ZBTB16: variants seen among roughly 807,000 people sequenced by gnomAD.
ZBTB16 encodes the protein zinc finger and BTB domain-containing protein 16.
A neutral mutation model predicts 56.8 loss-of-function variants in ZBTB16; 8 were observed. The observed-to-expected ratio is 0.14, with a 90% CI of 0.08 to 0.25. The LOEUF (loss-of-function observed/expected upper bound fraction) is 0.25. ZBTB16 is among the 10% of genes least tolerant of loss of function. ZBTB16 has a pLI of 1.00. For missense variants in ZBTB16, 625 were observed against 903.0 expected (o/e 0.69, Z 3.95); for synonymous variants, 363 against 368.5 (o/e 0.98, Z 0.17).
At chr11:114,112,039 A>C (rs1228745433) in intron 2 of ZBTB16, among the ~76,000 whole-genome samples, 1 of 152,136 alleles carries the variant, frequency 6.6e-6, no homozygotes, top group African/African-American at 2.4e-5. Flanking sequence ...AATATAATAG[A>C]TATGTAAAAG....
At chr11:114,138,925 A>G (rs1260802951) in intron 2 of ZBTB16, among the ~76,000 whole-genome samples, 3 of 151,988 alleles carry the variant, frequency 2.0e-5, no homozygotes, top group Non-Finnish European at 4.4e-5. Context: ...TCCTGACCTC[A>G]AGTGATCCAC....
Position 114,203,948 on chromosome 11 carries a change from G to A in ZBTB16, c.1453+16910G>A, listed in dbSNP as rs1267090157. Among the ~76,000 whole-genome samples the A allele has an allele frequency of 4.6e-5, 7 of 152,222 alleles. No homozygotes were observed. In the South Asian group the frequency reaches 1.2e-3, roughly 27 times the overall value. ...GACATCTGCAAAGTCAGGAGGAGAC[G>A]GGGTAGTTGCGTCTGTGTAGATTTC... On this transcript the variant is annotated intron_variant, in intron 4 of 6. Coordinates refer to ENST00000335953, the MANE Select transcript of ZBTB16 (RefSeq NM_006006.6).
chr11:114,161,239 AG>A (rs2134975218), intron 3 of ZBTB16, among the ~76,000 whole-genome samples: 1 of 152,160 alleles, frequency 6.6e-6, no homozygotes, highest in African/African-American at 2.4e-5. Context: ...GTGGCTTATA[AG>A]TGAGCATGCC....
At chr11:114,146,326 G>A (rs75684202) in intron 2 of ZBTB16, among the ~76,000 whole-genome samples, 160 of 152,172 alleles carry the variant, frequency 1.1e-3, no homozygotes, top group African/African-American at 3.7e-3. Context: ...GCCCCTTTCA[G>A]GGAAAGACTC....
chr11:114,148,871 T>A (rs1381459186), intron 2 of ZBTB16, among the ~76,000 whole-genome samples: 2 of 149,500 alleles, frequency 1.3e-5, no homozygotes, highest in Non-Finnish European at 3.0e-5. Context: ...CTGGTGTGTG[T>A]GTGTGTGTGT....
intron 4 of ZBTB16, among the ~76,000 whole-genome samples, chr11:114,228,531 G>A (rs1355917948): frequency 6.6e-6 from 1 of 152,178 alleles, no homozygotes; most frequent in Non-Finnish European, 1.5e-5. Context: ...GACAGCTTAG[G>A]GGTTCCGTGG....
chr11:114,092,421 C>G (rs185812044), intron 2 of ZBTB16, among the ~76,000 whole-genome samples: 2 of 152,160 alleles, frequency 1.3e-5, no homozygotes, highest in East Asian at 3.9e-4. Context: ...TGCCTCGATC[C>G]TCTTGTTGTG....
chr11:114,094,213 G>C (rs915971607), intron 2 of ZBTB16, among the ~76,000 whole-genome samples: 3 of 127,138 alleles, frequency 2.4e-5, no homozygotes, highest in African/African-American at 7.4e-5. Flanking sequence ...TACTCGAGAG[G>C]CTGAGGCTGG....
chr11:114,100,603 C>T (rs1178374854), intron 2 of ZBTB16, among the ~76,000 whole-genome samples: 3 of 152,116 alleles, frequency 2.0e-5, no homozygotes, highest in African/African-American at 4.8e-5. Context: ...TCCTCCCTCT[C>T]GGGAGACTAT....
At chr11:114,107,288 T>C (rs1940827441) in intron 2 of ZBTB16, among the ~76,000 whole-genome samples, 1 of 152,204 alleles carries the variant, frequency 6.6e-6, no homozygotes. Flanking sequence ...TTGTGTTTTG[T>C]TTCTGATGAT....
intron 3 of ZBTB16, among the ~76,000 whole-genome samples, chr11:114,183,384 A>C (rs1057016872): frequency 2.0e-5 from 3 of 152,072 alleles, no homozygotes; most frequent in African/African-American, 4.8e-5. Flanking sequence ...CTTCCTCTGC[A>C]CTTGTCTGAT....
chr11:114,145,285 C>T (rs1228431546), intron 2 of ZBTB16, among the ~76,000 whole-genome samples: 1 of 152,206 alleles, frequency 6.6e-6, no homozygotes, highest in African/African-American at 2.4e-5. Flanking sequence ...ATAGAGTTAC[C>T]ATATGAGCTG....
At chr11:114,212,685 A>G (rs1359364431) in intron 4 of ZBTB16, among the ~76,000 whole-genome samples, 4 of 152,150 alleles carry the variant, frequency 2.6e-5, no homozygotes, top group South Asian at 2.1e-4. Flanking sequence ...TGCCAAGTGA[A>G]GATAAATGTA....
intron 2 of ZBTB16, among the ~76,000 whole-genome samples, chr11:114,083,804 A>G (rs377124981): frequency 6.6e-6 from 1 of 151,078 alleles, no homozygotes; most frequent in Non-Finnish European, 1.5e-5. Flanking sequence ...CCCCCGCCCC[A>G]CCGCCAAGAA....
chr11:114,209,184 G>T (rs1481386658), intron 4 of ZBTB16, among the ~76,000 whole-genome samples: 8 of 152,200 alleles, frequency 5.3e-5, no homozygotes, highest in African/African-American at 1.7e-4. Flanking sequence ...CAACTCTGGT[G>T]GGGTGAGTGG....
chr11:114,076,917 G>A (rs1939588444), intron 2 of ZBTB16, among the ~76,000 whole-genome samples: 1 of 151,610 alleles, frequency 6.6e-6, no homozygotes, highest in African/African-American at 2.4e-5. Context: ...AGTAGTTTTT[G>A]TTTTTTTGAG....
intron 5 of ZBTB16, 78 bp from the exon 6 acceptor site, chr11:114,247,120 G>A: frequency 5.0e-6 from 8 of 1,604,146 alleles, no homozygotes; most frequent in Non-Finnish European, 5.1e-6. Flanking sequence ...TCCTTCTCAT[G>A]CACAGAATGT....
chr11:114,127,654 G>A (rs1356737954), intron 2 of ZBTB16, among the ~76,000 whole-genome samples: 2 of 152,186 alleles, frequency 1.3e-5, no homozygotes, highest in Non-Finnish European at 2.9e-5. Flanking sequence ...GTTAGAGGAG[G>A]GAAGGATCAG....
At chr11:114,192,150 C>T (rs540588064) in intron 4 of ZBTB16, among the ~76,000 whole-genome samples, 1 of 152,276 alleles carries the variant, frequency 6.6e-6, no homozygotes, top group African/African-American at 2.4e-5. Flanking sequence ...TCCAAGATGG[C>T]TCCTTCACTC....
Sources: gnomAD v4.1 joint callset for allele counts (sites outside exome capture counted in the v4.1 genomes callset) on GRCh38, gnomAD v4.1.1 for gene constraint, MANE v1.5 for transcripts, NCBI Gene and HGNC (gene_info 2026-07-23, HGNC 2026-07-21) for gene names.